Variants in NUP188 observed in about 807,000 individuals in gnomAD.
NUP188 encodes nucleoporin 188, also known as nucleoporin NUP188.
A neutral mutation model predicts 223.0 loss-of-function variants in NUP188; 97 were observed. The observed-to-expected ratio is 0.43, with a 90% CI of 0.37 to 0.51. The LOEUF (loss-of-function observed/expected upper bound fraction) is 0.51, where lower values mean the gene tolerates loss of function less well. NUP188 is among the 20% of genes least tolerant of loss of function. The pLI, the probability that NUP188 is intolerant of heterozygous loss-of-function variation, is 0.00. For synonymous variants in NUP188, 869 were observed against 828.0 expected, an observed-to-expected ratio of 1.05 and a Z score of -0.85; for missense variants, 1,947 against 2,175.6, an observed-to-expected ratio of 0.89 and a Z score of 2.09.
At position 128,980,659 on chromosome 9, in the gene NUP188, C is replaced by A. The variant is rs1321444310; in HGVS notation, c.1323C>A (p.Pro441=). 1.2e-6 allele frequency: 2 copies of A among 1,614,060 alleles called. No individual in the cohort carries two copies. The highest frequency in any genetic ancestry group is 1.7e-6 in the Non-Finnish European group (2 of 1,179,976). ...IILDSVCGMF[P]HLLSPLLQLL... Reference sequence around the variant, plus strand: ...TGGACAGTGTGTGTGGAATGTTTCCCCACCTTCTCTCCCCACTCCTGCAAC... The same window carrying A: ...TGGACAGTGTGTGTGGAATGTTTCCACACCTTCTCTCCCCACTCCTGCAAC... Residue 441 remains proline (P), a synonymous_variant, in exon 14 of 44, where the codon CCC becomes CCA. Coordinates refer to ENST00000372577, the MANE Select transcript of NUP188 (RefSeq NM_015354.3).
intron 12 of NUP188, among the ~76,000 whole-genome samples, chr9:128,978,504 A>G (rs1842209183): frequency 7.2e-6 from 1 of 139,204 alleles, no homozygotes; most frequent in Non-Finnish European, 1.5e-5. Context: ...CGGAGCTTGC[A>G]GTGAGCCAAG....
intron 2 of NUP188, 84 bp from the exon 3 acceptor site, chr9:128,952,689 C>G: frequency 8.0e-7 from 1 of 1,243,626 alleles, no homozygotes; most frequent in Non-Finnish European, 1.1e-6. Context: ...TGCCACTGCA[C>G]TCCAGCCTGG....
intron 31 of NUP188, 75 bp from the exon 32 acceptor site, chr9:128,998,463 T>C: frequency 1.5e-6 from 2 of 1,324,164 alleles, no homozygotes; most frequent in Admixed American, 1.7e-5. Flanking sequence ...AGAAAGGCAA[T>C]GAGGCCGGAG....
In NUP188 at chr9:129,002,824, G is replaced by A. The variant is rs776594236; in HGVS notation, c.4145G>A (p.Ser1382Asn). The A allele has an allele frequency of 1.2e-6, 2 of 1,613,998 alleles. No individual in the cohort carries two copies. The highest frequency in any genetic ancestry group is 2.2e-5 in the South Asian group (2 of 91,062). Residue 1382 changes from serine to asparagine, a missense_variant, in exon 37 of 44, where the codon AGT becomes AAT. Transcript: ENST00000372577. The part of the protein sequence containing the change: ...LSTNGTAQTP[S>N]ASRKSLDAPS... ...CTGCTGTTTGTATCTTAGACACCTA[G>A]TGCCTCTCGGAAGTCCCTGGATGCC...
intron 25 of NUP188, among the ~76,000 whole-genome samples, chr9:128,990,975 G>A (rs961772917): frequency 4.6e-5 from 7 of 152,124 alleles, no homozygotes; most frequent in Non-Finnish European, 8.8e-5. Context: ...CTGTGATCAC[G>A]CCACTGCACT....
At position 128,974,389 on chromosome 9, in the gene NUP188, G is replaced by T. The variant is rs796495208; in HGVS notation, c.1203+1140G>T. Among the ~76,000 whole-genome samples the T allele has an allele frequency of 1.6e-3, 179 of 113,336 alleles. 5 individuals are homozygous for T. In the South Asian group the frequency reaches 0.038, roughly 24 times the overall value. 74.4% of individuals were successfully genotyped at this position (113,336 alleles called of 152,430 possible). A position where few individuals can be genotyped will look rare whatever the true frequency, so the allele number is the denominator to read the frequency against. The stretch of plus-strand genomic sequence containing the variant: ...AGTAAGTCTTCTGCAGCAGGTTGTT[G>T]TTTTTTTTTTTTTTTTTTTTGAGAC... On this transcript the variant is annotated intron_variant, in intron 12 of 43. Transcript: ENST00000372577.
intron 1 of NUP188, chr9:128,948,086 C>T (rs1564547011): frequency 4.0e-6 from 1 of 249,152 alleles, no homozygotes. Flanking sequence ...CGTGACGCTC[C>T]CTCGAGCCAC....
At position 128,993,374 on chromosome 9, in the gene NUP188, G is replaced by T; in HGVS notation, c.2818G>T (p.Glu940Ter). ...CCTCATCGAACTGTTTCTGAACCTG[G>T]AAGTTAAGGATGGCAGTGATGGCTC... ...PGLIELFLNL[E>*]VKDGSDGSKE... The change falls in exon 26 of 44, where the codon GAA becomes TAA. Residue 940 changes from glutamate to a stop codon, truncating the protein, a stop_gained. Coordinates refer to ENST00000372577, the MANE Select transcript of NUP188 (RefSeq NM_015354.3). LOFTEE classifies it high-confidence loss of function. The T allele has an allele frequency of 6.2e-7, 1 of 1,614,208 alleles. No homozygotes were observed. The highest frequency in any genetic ancestry group is 2.2e-5 in the East Asian group (1 of 44,890).
chr9:128,993,037 C>T (rs1588287103), intron 25 of NUP188, 160 bp from the exon 26 acceptor site: 6 of 623,344 alleles, frequency 9.6e-6, no homozygotes, highest in East Asian at 5.5e-5. Flanking sequence ...GCGGGCATCT[C>T]ATGCTTGTTT....
chr9:128,991,909 T>C (rs941071649), intron 25 of NUP188, among the ~76,000 whole-genome samples: 4 of 74,110 alleles, frequency 5.4e-5, no homozygotes, highest in African/African-American at 1.3e-4. Flanking sequence ...TTTTCTTTCT[T>C]TTTTTTTTTT....
chr9:128,987,755 A>G, intron 23 of NUP188, 38 bp downstream of exon 23: 2 of 1,601,284 alleles, frequency 1.2e-6, no homozygotes, highest in Admixed American at 1.8e-5. Flanking sequence ...GTCTGTCTTT[A>G]TTGTGCCTGC....
chr9:129,006,149 A>G (rs767143703), intron 42 of NUP188, 26 bp downstream of exon 42: 1 of 1,614,114 alleles, frequency 6.2e-7, no homozygotes, highest in South Asian at 1.1e-5. Flanking sequence ...GGGATTTGAT[A>G]AGGGGCTGGG....
At chr9:128,952,464 T>A (rs1489725823) in intron 2 of NUP188, among the ~76,000 whole-genome samples, 1 of 151,444 alleles carries the variant, frequency 6.6e-6, no homozygotes, top group Non-Finnish European at 1.5e-5. Context: ...GGCTCACGCC[T>A]GTAATCCCAG....
intron 29 of NUP188, 93 bp from the exon 30 acceptor site, chr9:128,995,226 A>C: frequency 1.0e-6 from 1 of 993,024 alleles, no homozygotes; most frequent in African/African-American, 1.6e-5. Context: ...AAGCCCATGC[A>C]AGGTCGTTTT....
intron 30 of NUP188, among the ~76,000 whole-genome samples, chr9:128,997,397 G>GGGA (rs574814040): frequency 6.6e-6 from 1 of 152,212 alleles, no homozygotes; most frequent in Non-Finnish European, 1.5e-5. Flanking sequence ...TCTAAGCAGA[G>GGGA]GGAGGACAGA....
chr9:128,981,647 G>A (rs1011805567), intron 15 of NUP188, among the ~76,000 whole-genome samples: 4 of 152,132 alleles, frequency 2.6e-5, no homozygotes, highest in East Asian at 1.9e-4. Context: ...TAGCCTCACC[G>A]TTTTAATCCT....
At position 128,970,629 on chromosome 9, in the gene NUP188, A is replaced by T. The variant is rs868846509; in HGVS notation, c.913-129A>T. 8.4e-6 allele frequency: 6 copies of T among 712,686 alleles called. No homozygotes were observed. In the Admixed American group the frequency reaches 9.2e-5, roughly 11 times the overall value. The allele number at this position is 712,686 out of a possible 1,614,324, so 44.1% of individuals were successfully genotyped here. A position where few individuals can be genotyped will look rare whatever the true frequency, so the allele number is the denominator to read the frequency against. On this transcript the variant is annotated intron_variant, in intron 10 of 43. Coordinates refer to ENST00000372577, the MANE Select transcript of NUP188 (RefSeq NM_015354.3). ...GTGAGGTGACTGGGGGTTTGAGAAGAGTGAAATATCAGAATGAGAGAGTGA... is the reference window on the plus strand; with the variant it reads ...GTGAGGTGACTGGGGGTTTGAGAAGTGTGAAATATCAGAATGAGAGAGTGA...
At chr9:129,003,561 G>T (rs553464952) in intron 38 of NUP188, 107 bp downstream of exon 38, 4 of 1,339,354 alleles carry the variant, frequency 3.0e-6, no homozygotes, top group Non-Finnish European at 2.1e-6. Flanking sequence ...GTTCCTGAAC[G>T]GGGGCTTTTC....
At chr9:128,953,154 A>G (rs1841818675) in intron 3 of NUP188, among the ~76,000 whole-genome samples, 1 of 152,180 alleles carries the variant, frequency 6.6e-6, no homozygotes, top group Non-Finnish European at 1.5e-5. Flanking sequence ...GTGAGTACTA[A>G]TTGGTGGGAG....
Sources: allele counts gnomAD v4.1 joint callset (sites outside exome capture counted in the v4.1 genomes callset), GRCh38; gene constraint gnomAD v4.1.1; transcripts MANE v1.5; gene names NCBI Gene and HGNC (gene_info 2026-07-23, HGNC 2026-07-21).